NDE1: variants seen among roughly 807,000 people sequenced by gnomAD.
The protein encoded by NDE1 is nuclear distribution protein nudE homolog 1.
Under a neutral mutation model 43.4 loss-of-function variants are expected in NDE1, and 28 were observed. The observed-to-expected ratio is 0.65, with a 90% CI of 0.48 to 0.89. NDE1 has a LOEUF of 0.89. NDE1 is among the 40% of genes least tolerant of loss of function. The probability of loss-of-function intolerance (pLI) is 0.00; values close to 1 mark genes in which losing one functional copy is unlikely to be tolerated. For missense variants in NDE1, 441 were observed against 434.1 expected, an observed-to-expected ratio of 1.02 and a Z score of -0.14; for synonymous variants, 184 against 172.0, an observed-to-expected ratio of 1.07 and a Z score of -0.55.
chr16:15,677,776 A>C, intron 3 of NDE1, 25 bp from the exon 4 acceptor site: 2 of 1,613,762 alleles, frequency 1.2e-6, no homozygotes, highest in Non-Finnish European at 1.7e-6. Context: ...TAAGTCATTC[A>C]CTCAGTGTCT....
In NDE1 at chr16:15,721,598, C is replaced by T. The variant is rs758895653; in HGVS notation, c.948-2593C>T. 17 of 1,614,154 alleles carry T rather than the reference C, an allele frequency of 1.1e-5. No individual in the cohort carries two copies. The highest frequency in any genetic ancestry group is 2.2e-5 in the South Asian group (2 of 91,082). On this transcript the variant is annotated intron_variant, in intron 8 of 8. Coordinates refer to ENST00000396354, the MANE Select transcript of NDE1 (RefSeq NM_017668.3). Reference sequence around the variant, plus strand: ...GCCTCAGCTCTGTCCCTCTCATCCGCGTATTTGGAAGAGATGTTTTTCTCC... The same window carrying T: ...GCCTCAGCTCTGTCCCTCTCATCCGTGTATTTGGAAGAGATGTTTTTCTCC...
intron 4 of NDE1, chr16:15,686,602 C>G: frequency 2.1e-6 from 2 of 953,130 alleles, no homozygotes; most frequent in Non-Finnish European, 2.5e-6. Context: ...CTCTTGAGCC[C>G]AAGAGTTTGA....
chr16:15,716,515 G>T (rs920405128), intron 8 of NDE1, among the ~76,000 whole-genome samples: 27 of 151,654 alleles, frequency 1.8e-4, no homozygotes, highest in Admixed American at 9.9e-4. Context: ...GTTTTTTGGG[G>T]TTTTTTTTGT....
chr16:15,694,476 G>T (rs2038915832), intron 7 of NDE1: 1 of 1,303,876 alleles, frequency 7.7e-7, no homozygotes, highest in Non-Finnish European at 1.0e-6. Context: ...TTCCCGAGGA[G>T]CTTGGACCAC....
At position 15,724,178 on chromosome 16, in the gene NDE1, GCTT is replaced by G; in HGVS notation, c.948-9_948-7del. 3 of 1,613,786 alleles carry G rather than the reference GCTT, an allele frequency of 1.9e-6. No individual in the cohort carries two copies. Among genetic ancestry groups the G allele is most frequent in the Non-Finnish European group, 2.5e-6 (3 of 1,180,034 alleles). On this transcript the variant is annotated splice_polypyrimidine_tract_variant and intron_variant, in intron 8 of 8. Transcript: ENST00000396354. ...CCCTCTACCTGATCAAATTTCCTCT[GCTT>G]CTTTTCCAGGTTGGACACGAGTTGC... is the stretch of plus-strand genomic sequence containing the variant.
intron 8 of NDE1, chr16:15,718,071 C>T (rs929775476): frequency 4.6e-5 from 28 of 605,314 alleles, no homozygotes; most frequent in Non-Finnish European, 6.3e-5. Flanking sequence ...CCGTGAGGTA[C>T]GGGGAGCCAG....
chr16:15,723,701 G>A (rs966952877), intron 8 of NDE1, among the ~76,000 whole-genome samples: 8 of 152,210 alleles, frequency 5.3e-5, no homozygotes, highest in African/African-American at 1.7e-4. Context: ...GAATCCAGGT[G>A]GTGGCCTTAA....
intron 6 of NDE1, 137 bp from the exon 7 acceptor site, chr16:15,694,028 A>G (rs1410925364): frequency 3.8e-6 from 4 of 1,048,626 alleles, no homozygotes; most frequent in Non-Finnish European, 5.6e-6. Flanking sequence ...TAACTACGGA[A>G]AGAAATAGGG....
In NDE1 at chr16:15,696,807, A is replaced by C. The variant is rs139406380; in HGVS notation, c.894A>C (p.Arg298Ser). 3 of 1,614,076 alleles carry C rather than the reference A, an allele frequency of 1.9e-6. No homozygotes were observed. The highest frequency in any genetic ancestry group is 2.5e-6 in the Non-Finnish European group (3 of 1,180,038). The change falls in exon 8 of 9, where the codon AGA becomes AGC. Residue 298 changes from arginine (R) to serine (S), a missense_variant. Physicochemically the swap from Arg to Ser is moderately radical, Grantham distance 110 (BLOSUM62 -1). Coordinates refer to ENST00000396354, the MANE Select transcript of NDE1 (RefSeq NM_017668.3). Reference protein sequence around the residue: ...GPASGRSSKNRDGGERRPSST... With the variant: ...GPASGRSSKNSDGGERRPSST... Reference sequence around the variant, plus strand: ...CCTCTGGGCGGAGCAGCAAGAACAGAGATGGCGGGGAGAGACGGCCAAGCA... The same window carrying C: ...CCTCTGGGCGGAGCAGCAAGAACAGCGATGGCGGGGAGAGACGGCCAAGCA...
chr16:15,717,100 C>G (rs541160168), intron 8 of NDE1: 1 of 1,599,346 alleles, frequency 6.3e-7, no homozygotes, highest in South Asian at 1.1e-5. Context: ...CTGTCCATCA[C>G]CCCCCTGCAA....
intron 5 of NDE1, among the ~76,000 whole-genome samples, chr16:15,688,689 CTTTTTTTTTTTTT>C (rs1194565114): frequency 1.8e-4 from 11 of 59,990 alleles, no homozygotes; most frequent in African/African-American, 7.5e-4. Context: ...TTGTTTTTAC[CTTTTTTTTTTTTT>C]TTTTTTTTTT....
At chr16:15,702,985 G>A (rs990039328) in intron 8 of NDE1, among the ~76,000 whole-genome samples, 1 of 152,116 alleles carries the variant, frequency 6.6e-6, no homozygotes, top group South Asian at 2.1e-4. Context: ...TGGGGTTGTA[G>A]GCAATTGATT....
intron 1 of NDE1, among the ~76,000 whole-genome samples, 159 bp downstream of exon 1, chr16:15,650,453 C>G (rs1002654202): frequency 1.3e-5 from 2 of 152,226 alleles, no homozygotes; most frequent in East Asian, 3.9e-4. Flanking sequence ...TTCCCGGCCG[C>G]CTGGACTCCC....
chr16:15,697,535 C>A (rs1162872806), intron 8 of NDE1, among the ~76,000 whole-genome samples: 1 of 151,878 alleles, frequency 6.6e-6, no homozygotes, highest in Admixed American at 6.6e-5. Context: ...ATTGGTAAAA[C>A]CCCATCTCCA....
intron 8 of NDE1, chr16:15,718,589 C>A: frequency 8.1e-7 from 1 of 1,227,546 alleles, no homozygotes; most frequent in Non-Finnish European, 1.1e-6. Flanking sequence ...TCTGTAGTTA[C>A]ACAGCCAGGA....
At chr16:15,646,574 C>G (rs2036333478), upstream of NDE1, among the ~76,000 whole-genome samples, 1 of 151,086 alleles carries the variant, frequency 6.6e-6, no homozygotes, top group Non-Finnish European at 1.5e-5. Flanking sequence ...GAACGAGACT[C>G]CGTCAAAAAA....
At chr16:15,644,575 T>C (rs1048930863) in intron 1 of NDE1, among the ~76,000 whole-genome samples, 2 of 152,142 alleles carry the variant, frequency 1.3e-5, no homozygotes, top group African/African-American at 4.8e-5. Flanking sequence ...CCTACAAATT[T>C]GAGACTAGAC....
intron 4 of NDE1, among the ~76,000 whole-genome samples, chr16:15,679,244 C>T (rs928588026): frequency 6.6e-6 from 1 of 152,134 alleles, no homozygotes; most frequent in African/African-American, 2.4e-5. Flanking sequence ...GATCCTCCTG[C>T]CTCAACCTCC....
chr16:15,696,344 C>A (rs2039009917), intron 7 of NDE1, among the ~76,000 whole-genome samples: 1 of 151,680 alleles, frequency 6.6e-6, no homozygotes, highest in South Asian at 2.1e-4. Flanking sequence ...CCAGTGCACT[C>A]CAGCCTGGGT....
Sources: allele counts gnomAD v4.1 joint callset (sites outside exome capture counted in the v4.1 genomes callset), GRCh38; gene constraint gnomAD v4.1.1; transcripts MANE v1.5; gene names NCBI Gene and HGNC (gene_info 2026-07-23, HGNC 2026-07-21).